MTCL1: variants seen among roughly 807,000 people sequenced by gnomAD.
The protein encoded by MTCL1 is microtubule crosslinking factor 1.
A neutral mutation model predicts 141.4 loss-of-function variants in MTCL1; 79 were observed. That is an observed-to-expected ratio of 0.56 (90% CI 0.47 to 0.67). The LOEUF (loss-of-function observed/expected upper bound fraction) is 0.67. Among genes scored for constraint, MTCL1 ranks in the 30% least tolerant of loss-of-function variants. The pLI is 0.00. For synonymous variants in MTCL1, 914 were observed against 875.8 expected, an observed-to-expected ratio of 1.04 and a Z score of -0.77; for missense variants, 2,177 against 2,113.9, an observed-to-expected ratio of 1.03 and a Z score of -0.59.
At chr18:8,789,081 A>G (rs1292858228) in intron 7 of MTCL1, among the ~76,000 whole-genome samples, 1 of 152,222 alleles carries the variant, frequency 6.6e-6, no homozygotes, top group African/African-American at 2.4e-5. Context: ...TTTCAGGTAT[A>G]AAGGAGACCA....
intron 4 of MTCL1, among the ~76,000 whole-genome samples, chr18:8,770,227 G>A (rs1422917597): frequency 6.6e-6 from 1 of 152,182 alleles, no homozygotes; most frequent in Admixed American, 6.5e-5. Context: ...ACTTTTGACT[G>A]TGTTTTAGTT....
In MTCL1 at chr18:8,784,849, G is replaced by A. The variant is rs1166220975; in HGVS notation, c.1731+6G>A. The A allele has an allele frequency of 1.7e-5, 27 of 1,570,602 alleles. No individual in the cohort carries two copies. Among genetic ancestry groups the A allele is most frequent in the South Asian group, 3.5e-5 (3 of 85,568 alleles). On this transcript the variant is annotated splice_donor_region_variant and intron_variant, in intron 6 of 16. Transcript: ENST00000359865. Reference sequence around the variant, plus strand: ...AGCTGGGCCCAGACTTGCAGGTAAGGGGGCTCGTGGCTTCGCCTCCCTGCT... The same window carrying A: ...AGCTGGGCCCAGACTTGCAGGTAAGAGGGCTCGTGGCTTCGCCTCCCTGCT...
chr18:8,831,922 T>G, exon 17 of MTCL1: 1 of 1,212,756 alleles, frequency 8.2e-7, no homozygotes, highest in South Asian at 1.4e-5. Flanking sequence ...AGAATGTTTT[T>G]TAAAAACACA....
chr18:8,770,842 T>C (rs1444828870), intron 4 of MTCL1, among the ~76,000 whole-genome samples: 1 of 152,154 alleles, frequency 6.6e-6, no homozygotes, highest in Non-Finnish European at 1.5e-5. Context: ...GGATTTGTTT[T>C]TTTGGGTCCT....
At chr18:8,728,720 CT>C (rs34524200) in intron 4 of MTCL1, among the ~76,000 whole-genome samples, 2,405 of 58,836 alleles carry the variant, frequency 0.041, 7 homozygotes, top group African/African-American at 0.097. Context: ...GTTGTCCATT[CT>C]TTTTTTTTTT....
intron 12 of MTCL1, among the ~76,000 whole-genome samples, chr18:8,817,833 G>A (rs1025729300): frequency 2.0e-5 from 3 of 152,160 alleles, no homozygotes; most frequent in Admixed American, 6.5e-5. Flanking sequence ...TCCAATAAAG[G>A]CACCATTAAA....
At position 8,831,051 on chromosome 18, in the gene MTCL1, T is replaced by C. The variant is rs558568428; in HGVS notation, c.*19-556T>C. 7.1e-6 allele frequency: 7 copies of C among 985,678 alleles called. No individual in the cohort carries two copies. The African/African-American group carries it at 1.2e-4, about 17-fold the overall frequency. 61.1% of individuals were successfully genotyped at this position (985,678 alleles called of 1,614,324 possible). A position where few individuals can be genotyped will look rare whatever the true frequency, so the allele number is the denominator to read the frequency against. ...TCTGCCTGCAGCATTTTTGCCATGT[T>C]GTGGGAGTTTGTTTAAGCTACTCCC... On this transcript the variant is annotated intron_variant, in intron 16 of 16. Coordinates refer to ENST00000359865, the Ensembl canonical transcript of MTCL1.
rs540877896 is a variant in MTCL1, at chr18:8,779,551, G to A, written c.417+1659G>A. On this transcript the variant is annotated intron_variant, in intron 5 of 16. Transcript: ENST00000359865. The surrounding 1 kb of genome is among the most constrained non-coding windows in gnomAD (Gnocchi z 4.1). Reference sequence around the variant, plus strand: ...GAGTGGCTTCCCCTACTCAGAACAGGCCGAGCTCAGCTTCCCTCAGGCCGC... The same window carrying A: ...GAGTGGCTTCCCCTACTCAGAACAGACCGAGCTCAGCTTCCCTCAGGCCGC... Among the ~76,000 whole-genome samples, 77 of 152,260 alleles carry A rather than the reference G, an allele frequency of 5.1e-4. 2 individuals carry two copies. The South Asian group carries it at 0.015, about 30-fold the overall frequency.
chr18:8,831,392 T>G, intron 16 of MTCL1: 5 of 1,394,270 alleles, frequency 3.6e-6, no homozygotes, highest in Non-Finnish European at 3.7e-6. Context: ...TTAATCATAA[T>G]TGGTCTCTTC....
intron 4 of MTCL1, among the ~76,000 whole-genome samples, chr18:8,724,828 AAAAG>A (rs1259898916): frequency 1.3e-5 from 2 of 152,082 alleles, no homozygotes; most frequent in Non-Finnish European, 2.9e-5. Flanking sequence ...ATTGATTAAA[AAAAG>A]GGCTGATCTG....
intron 12 of MTCL1, 52 bp downstream of exon 11, chr18:8,813,285 C>A: frequency 6.4e-7 from 1 of 1,558,006 alleles, no homozygotes; most frequent in South Asian, 1.2e-5. Context: ...GTAGACTGCT[C>A]AGTGGACCCA....
chr18:8,829,002 A>C (rs2077113605), intron 16 of MTCL1: 8 of 1,613,796 alleles, frequency 5.0e-6, no homozygotes, highest in Non-Finnish European at 5.9e-6. Flanking sequence ...CTGTCTGGAG[A>C]GGTCGTGTTG....
intron 10 of MTCL1, among the ~76,000 whole-genome samples, chr18:8,805,283 C>G (rs1231784744): frequency 6.6e-6 from 1 of 152,008 alleles, no homozygotes; most frequent in Non-Finnish European, 1.5e-5. Flanking sequence ...TTTGGAATAC[C>G]CAGTGTCTGT....
chr18:8,808,160 C>G (rs1302381628), intron 11 of MTCL1, among the ~76,000 whole-genome samples: 2 of 152,214 alleles, frequency 1.3e-5, no homozygotes, highest in African/African-American at 4.8e-5. Flanking sequence ...GAGCAGCTGG[C>G]CTGATTGTGG....
chr18:8,734,453 A>T (rs899295999), intron 4 of MTCL1, among the ~76,000 whole-genome samples: 1 of 152,010 alleles, frequency 6.6e-6, no homozygotes, highest in Non-Finnish European at 1.5e-5. Flanking sequence ...ATCCCCGTGA[A>T]GTCTCCAGCT....
At chr18:8,764,686 G>A (rs2096451119) in intron 4 of MTCL1, among the ~76,000 whole-genome samples, 1 of 151,914 alleles carries the variant, frequency 6.6e-6, no homozygotes, top group Admixed American at 6.6e-5. Flanking sequence ...GCCTGGATTT[G>A]GATGTGAGCA....
At chr18:8,745,654 G>A (rs1211412691) in intron 4 of MTCL1, among the ~76,000 whole-genome samples, 3 of 152,172 alleles carry the variant, frequency 2.0e-5, no homozygotes, top group South Asian at 2.1e-4. Flanking sequence ...GTTCTCTAAC[G>A]TGTGTTCCCA....
At chr18:8,748,915 G>A (rs1384888829) in intron 4 of MTCL1, among the ~76,000 whole-genome samples, 1 of 152,150 alleles carries the variant, frequency 6.6e-6, no homozygotes, top group African/African-American at 2.4e-5. Flanking sequence ...AGTCACCTAA[G>A]AGATTGAGTT....
At chr18:8,812,443 G>A (rs763483631) in intron 11 of MTCL1, among the ~76,000 whole-genome samples, 1 of 152,180 alleles carries the variant, frequency 6.6e-6, no homozygotes, top group Non-Finnish European at 1.5e-5. Context: ...AGTTGCTGAT[G>A]AGAAGTCTGC....
Sources: gnomAD v4.1 joint callset for allele counts (sites outside exome capture counted in the v4.1 genomes callset) on GRCh38, gnomAD v4.1.1 for gene constraint, Gnocchi (gnomAD v3.1) non-coding constraint, MANE v1.5 for transcripts, NCBI Gene and HGNC (gene_info 2026-07-23, HGNC 2026-07-21) for gene names.